Variants in COL26A1 observed in about 807,000 individuals in gnomAD.
COL26A1 encodes the protein collagen alpha-1(XXVI) chain.
Under a neutral mutation model 59.3 loss-of-function variants are expected in COL26A1, and 41 were observed. That is an observed-to-expected ratio of 0.69 (90% CI 0.54 to 0.90). COL26A1 has a LOEUF of 0.90. Ranked by LOEUF, COL26A1 falls within the 40% of genes least tolerant of loss-of-function variation. COL26A1 has a pLI of 0.00. For missense variants in COL26A1, 612 were observed against 602.3 expected (o/e 1.02, Z -0.17); for synonymous variants, 266 against 256.0 (o/e 1.04, Z -0.37).
chr7:101,504,807 CTG>C (rs149023314), intron 3 of COL26A1, among the ~76,000 whole-genome samples: 30 of 149,926 alleles, frequency 2.0e-4, no homozygotes, highest in Non-Finnish European at 3.0e-4. Flanking sequence ...GTTGCCCAGA[CTG>C]TGTGTGTGTG....
At chr7:101,525,802 T>C (rs1457462919) in intron 3 of COL26A1, among the ~76,000 whole-genome samples, 1 of 152,078 alleles carries the variant, frequency 6.6e-6, no homozygotes, top group Non-Finnish European at 1.5e-5. Flanking sequence ...GGCACTTCAT[T>C]CTTACTTAAG....
At chr7:101,403,866 C>T (rs984323831) in intron 1 of COL26A1, among the ~76,000 whole-genome samples, 1 of 151,968 alleles carries the variant, frequency 6.6e-6, no homozygotes, top group South Asian at 2.1e-4. Context: ...GAAGCCTAGG[C>T]GGGCAGGTCA....
chr7:101,379,610 T>C (rs945649790), intron 1 of COL26A1, among the ~76,000 whole-genome samples: 1 of 152,204 alleles, frequency 6.6e-6, no homozygotes, highest in African/African-American at 2.4e-5. Context: ...AAAATGAGGC[T>C]GAGGCCTACT....
At chr7:101,429,869 A>G (rs1187308190) in intron 2 of COL26A1, among the ~76,000 whole-genome samples, 1 of 152,118 alleles carries the variant, frequency 6.6e-6, no homozygotes, top group Non-Finnish European at 1.5e-5. Flanking sequence ...AAGTGCTGGG[A>G]TTACAGGAGT....
intron 2 of COL26A1, among the ~76,000 whole-genome samples, chr7:101,435,243 C>T (rs571488984): frequency 5.9e-5 from 9 of 152,158 alleles, no homozygotes; most frequent in Non-Finnish European, 1.0e-4. Context: ...TGCTCAAACC[C>T]GGGAGGCAGA....
chr7:101,461,453 T>G (rs1272756407), intron 3 of COL26A1, among the ~76,000 whole-genome samples: 1 of 151,928 alleles, frequency 6.6e-6, no homozygotes, highest in Non-Finnish European at 1.5e-5. Flanking sequence ...TGCCCGCCAC[T>G]ACACCCGGGT....
rs1563007434 is a variant in COL26A1 at position 101,489,675 on chromosome 7, TCCTTC to T, written c.385+41890_385+41894del. Among the ~76,000 whole-genome samples the T allele has an allele frequency of 2.2e-4, 10 of 45,958 alleles. 1 individual carries two copies. The highest frequency in any genetic ancestry group is 1.5e-3 in the African/African-American group (6 of 3,874). The allele number at this position is 45,958 out of a possible 152,430, so 30.2% of individuals were successfully genotyped here. A position where few individuals can be genotyped will look rare whatever the true frequency, so the allele number is the denominator to read the frequency against. ...TTTCTTTCTTTCTTCCTTCCTTCCTTCCTTCCTTTCTTTCTTTCTTTCTGTCTTTC... is the reference window on the plus strand; with the variant it reads ...TTTCTTTCTTTCTTCCTTCCTTCCTTCTTTCTTTCTTTCTTTCTGTCTTTC... On this transcript the variant is annotated intron_variant, in intron 3 of 12. Transcript: ENST00000313669.
chr7:101,379,270 C>T lies in COL26A1; in HGVS notation c.158+16080C>T, dbSNP rs144957843. Among the ~76,000 whole-genome samples the T allele has an allele frequency of 2.1e-3, 319 of 152,212 alleles. 1 individual carries two copies. The highest frequency in any genetic ancestry group is 3.4e-3 in the Middle Eastern group (1 of 294). ...CAGCCTCTTCCCATCTTTTGTTCTGCGACTGATGACAATTAGACCCTGAAA... is the reference window on the plus strand; with the variant it reads ...CAGCCTCTTCCCATCTTTTGTTCTGTGACTGATGACAATTAGACCCTGAAA... On this transcript the variant is annotated intron_variant, in intron 1 of 12. Coordinates refer to ENST00000313669, the MANE Select transcript of COL26A1 (RefSeq NM_001278563.3).
chr7:101,476,551 T>C (rs1009123245), intron 3 of COL26A1, among the ~76,000 whole-genome samples: 5 of 45,538 alleles, frequency 1.1e-4, no homozygotes, highest in South Asian at 5.0e-4. Context: ...ACTTGGTTAC[T>C]TTTTTTTTTT....
At chr7:101,514,829 C>T (rs984844466) in intron 3 of COL26A1, among the ~76,000 whole-genome samples, 12 of 152,360 alleles carry the variant, frequency 7.9e-5, no homozygotes, top group Non-Finnish European at 1.3e-4. Context: ...GCTACCCATC[C>T]GCCACCACCA....
At chr7:101,481,657 C>T (rs1012784829) in intron 3 of COL26A1, among the ~76,000 whole-genome samples, 1 of 151,718 alleles carries the variant, frequency 6.6e-6, no homozygotes, top group Admixed American at 6.6e-5. Context: ...CGCTATGTTG[C>T]GCAGGCTTGA....
In COL26A1 at chr7:101,557,567, G is replaced by A. The variant is rs1004197468; in HGVS notation, c.*37G>A. 6 of 1,567,356 alleles carry A rather than the reference G, an allele frequency of 3.8e-6. No individual in the cohort carries two copies. The highest frequency in any genetic ancestry group is 1.1e-5 in the South Asian group (1 of 87,078). On this transcript the variant is annotated 3_prime_UTR_variant, in exon 13 of 13. Transcript: ENST00000313669. ...TCCAGGACACCCTGTCCTGGCTAGA[G>A]ACCCAGCCCCAGAGGCCTGAGCCGC... is the stretch of plus-strand genomic sequence containing the variant.
chr7:101,396,307 C>A (rs1440063994), intron 1 of COL26A1, among the ~76,000 whole-genome samples: 1 of 152,064 alleles, frequency 6.6e-6, no homozygotes, highest in Non-Finnish European at 1.5e-5. Context: ...CCTAGTGGTT[C>A]CCCATGCCTC....
intron 3 of COL26A1, among the ~76,000 whole-genome samples, chr7:101,489,137 A>G (rs1260430257): frequency 6.6e-6 from 1 of 151,990 alleles, no homozygotes; most frequent in East Asian, 1.9e-4. Flanking sequence ...TCTTTGACAC[A>G]TGTTCATTTT....
intron 2 of COL26A1, among the ~76,000 whole-genome samples, chr7:101,421,911 G>C (rs1045708190): frequency 6.6e-6 from 1 of 152,114 alleles, no homozygotes; most frequent in Admixed American, 6.6e-5. Context: ...TAATAGTAGA[G>C]ATGCTTCACT....
Position 101,539,976 on chromosome 7 carries a change from T to A in COL26A1, c.531T>A (p.Asn177Lys). Residue 177 changes from asparagine to lysine, a missense_variant, in exon 5 of 13, where the codon AAT becomes AAA. Asn to Lys is a moderately conservative substitution (Grantham distance 94). Transcript: ENST00000313669. ...CCGAGAGCACTCCGCCGACCTGGAA[T>A]GAGGACTTCCTCCCCGACGCCATCC... is the stretch of plus-strand genomic sequence containing the variant. ...PAPESTPPTWNEDFLPDAIPL... is the reference protein window; with the variant it reads ...PAPESTPPTWKEDFLPDAIPL... 1 of 1,611,414 alleles carries A rather than the reference T, an allele frequency of 6.2e-7. No individual in the cohort carries two copies.
intron 1 of COL26A1, among the ~76,000 whole-genome samples, chr7:101,403,682 C>T (rs1332964335): frequency 6.6e-6 from 1 of 152,166 alleles, no homozygotes; most frequent in African/African-American, 2.4e-5. Context: ...CAGCCTAAAC[C>T]ATCTTTTCAA....
chr7:101,456,168 A>ATATAT (rs1163899499), intron 3 of COL26A1, among the ~76,000 whole-genome samples: 17 of 124,556 alleles, frequency 1.4e-4, no homozygotes, highest in East Asian at 6.4e-4. Flanking sequence ...ATATATATAT[A>ATATAT]TTTTTTTTTT....
At chr7:101,500,267 C>T (rs1465369613) in intron 3 of COL26A1, among the ~76,000 whole-genome samples, 1 of 152,186 alleles carries the variant, frequency 6.6e-6, no homozygotes, top group Non-Finnish European at 1.5e-5. Flanking sequence ...AGCAGGACAT[C>T]TGTACTTGCT....
Sources: allele counts gnomAD v4.1 joint callset (sites outside exome capture counted in the v4.1 genomes callset), GRCh38; gene constraint gnomAD v4.1.1; transcripts MANE v1.5; gene names NCBI Gene and HGNC (gene_info 2026-07-23, HGNC 2026-07-21).